XKR6: variants seen among roughly 807,000 people sequenced by gnomAD.
XKR6 encodes the protein XK related 6, also known as XK-related protein 6.
XKR6 carries 22 observed loss-of-function variants against 56.7 expected under a neutral mutation model. The ratio of observed to expected loss-of-function variants is 0.39; its 90% confidence interval spans 0.28 to 0.55. XKR6 has a LOEUF of 0.55. XKR6 is among the 20% of genes least tolerant of loss of function. The probability of loss-of-function intolerance (pLI) is 0.66; values close to 1 mark genes in which losing one functional copy is unlikely to be tolerated. For synonymous variants in XKR6, 524 were observed against 387.8 expected (o/e 1.35, Z -4.13); for missense variants, 852 against 889.0 (o/e 0.96, Z 0.53).
chr8:11,157,181 A>C (rs1013331781), intron 1 of XKR6, among the ~76,000 whole-genome samples: 1 of 152,210 alleles, frequency 6.6e-6, no homozygotes, highest in African/African-American at 2.4e-5. Flanking sequence ...GATGAAAAGC[A>C]AGGAAAGACC....
Position 11,135,035 on chromosome 8 carries a change from T to A in XKR6, c.764+65541A>T, listed in dbSNP as rs1167179112. On this transcript the variant is annotated intron_variant, in intron 1 of 2. Transcript: ENST00000416569. ...CAAAAATGCATAGAAAATGCACTAA[T>A]TTTTTTTTTTTTTTTGAGGCGGAGT... Among the ~76,000 whole-genome samples, 3 of 38,416 alleles carry A rather than the reference T, an allele frequency of 7.8e-5. No individual in the cohort carries two copies. The African/African-American group carries it at 8.0e-4, about 10-fold the overall frequency. 25.2% of individuals were successfully genotyped at this position (38,416 alleles called of 152,430 possible).
At chr8:11,129,028 G>C (rs755485802) in intron 1 of XKR6, 9 of 453,600 alleles carry the variant, frequency 2.0e-5, no homozygotes, top group Non-Finnish European at 3.5e-5. Context: ...CTTACACACA[G>C]TGAAATTAAG....
At chr8:11,173,218 C>CCCACG (rs1802467692) in intron 1 of XKR6, among the ~76,000 whole-genome samples, 1 of 151,210 alleles carries the variant, frequency 6.6e-6, no homozygotes, top group Non-Finnish European at 1.5e-5. Flanking sequence ...GTGGCGGGCG[C>CCCACG]CTGTATTCCC....
intron 2 of XKR6, among the ~76,000 whole-genome samples, chr8:10,923,929 T>C (rs1245493095): frequency 2.0e-5 from 3 of 152,314 alleles, no homozygotes; most frequent in Non-Finnish European, 4.4e-5. Context: ...AATACTCCAG[T>C]TGATGATAAA....
rs1011570581 is a variant in XKR6 at position 10,923,750 on chromosome 8, T to C, written c.961+884A>G. Among the ~76,000 whole-genome samples, 5 of 152,310 alleles carry C rather than the reference T, an allele frequency of 3.3e-5. No individual in the cohort carries two copies. The South Asian group carries it at 6.2e-4, about 19-fold the overall frequency. On this transcript the variant is annotated intron_variant, in intron 2 of 2. Coordinates refer to ENST00000416569, the MANE Select transcript of XKR6 (RefSeq NM_173683.4). ...GGGCACCAAGAGGACCTGCGGGGTC[T>C]GGAGGTGAGAATACAAGAGACCAGG...
intron 1 of XKR6, among the ~76,000 whole-genome samples, chr8:11,000,826 A>G (rs1033850623): frequency 2.6e-5 from 4 of 152,196 alleles, no homozygotes; most frequent in African/African-American, 9.7e-5. Flanking sequence ...GAATGGAAGT[A>G]AGATGCATAG....
intron 1 of XKR6, among the ~76,000 whole-genome samples, chr8:11,177,854 A>T (rs948816010): frequency 6.6e-6 from 1 of 152,186 alleles, no homozygotes; most frequent in African/African-American, 2.4e-5. Context: ...GTTTAACCCC[A>T]CCCAGTTCCT....
intron 1 of XKR6, among the ~76,000 whole-genome samples, chr8:11,093,433 A>T (rs1297442967): frequency 1.3e-5 from 2 of 152,208 alleles, no homozygotes; most frequent in African/African-American, 4.8e-5. Flanking sequence ...TGGCTATGCA[A>T]GAAAAACTTT....
chr8:11,019,406 C>T (rs914039140), intron 1 of XKR6, among the ~76,000 whole-genome samples: 4 of 152,214 alleles, frequency 2.6e-5, no homozygotes, highest in Non-Finnish European at 5.9e-5. Flanking sequence ...CTCTGGACTT[C>T]GGGACCACCC....
intron 1 of XKR6, among the ~76,000 whole-genome samples, chr8:10,971,137 C>A (rs1343995919): frequency 1.3e-5 from 2 of 151,348 alleles, no homozygotes; most frequent in African/African-American, 4.9e-5. Flanking sequence ...AAATTACAAG[C>A]AGCGCCGGGC....
At chr8:10,913,427 C>G (rs919420650) in intron 2 of XKR6, among the ~76,000 whole-genome samples, 1 of 152,070 alleles carries the variant, frequency 6.6e-6, no homozygotes, top group African/African-American at 2.4e-5. Flanking sequence ...GGTACTCAGC[C>G]GTGAGTGCCC....
At chr8:10,985,915 G>A (rs1388016346) in intron 1 of XKR6, among the ~76,000 whole-genome samples, 1 of 151,950 alleles carries the variant, frequency 6.6e-6, no homozygotes, top group Non-Finnish European at 1.5e-5. Context: ...CAGAACCAGT[G>A]GATTTTTAAC....
At chr8:10,959,738 A>T (rs1186748202) in intron 1 of XKR6, among the ~76,000 whole-genome samples, 1 of 152,192 alleles carries the variant, frequency 6.6e-6, no homozygotes, top group Non-Finnish European at 1.5e-5. Flanking sequence ...CAGGACACAA[A>T]CATTCTGTCC....
intron 1 of XKR6, among the ~76,000 whole-genome samples, chr8:11,145,458 T>C (rs758072066): frequency 1.6e-4 from 24 of 151,642 alleles, no homozygotes; most frequent in Non-Finnish European, 2.2e-4. Context: ...GATGACATGA[T>C]CATCTACACA....
In XKR6 at chr8:11,187,575, G is replaced by A. The variant is rs143848996; in HGVS notation, c.764+13001C>T. 1.1e-3 allele frequency among the ~76,000 whole-genome samples: 160 copies of A among 152,092 alleles called. 1 individual carries two copies. The highest frequency in any genetic ancestry group is 0.01 in the Middle Eastern group (3 of 294). ...ATGTTAACGTTTTGAAGCTATTGAGGGCCAAGATTTTTTCACAAATAATGA... is the reference window on the plus strand; with the variant it reads ...ATGTTAACGTTTTGAAGCTATTGAGAGCCAAGATTTTTTCACAAATAATGA... On this transcript the variant is annotated intron_variant, in intron 1 of 2. Transcript: ENST00000416569.
At chr8:11,176,568 C>T (rs1413232204) in intron 1 of XKR6, among the ~76,000 whole-genome samples, 1 of 152,002 alleles carries the variant, frequency 6.6e-6, no homozygotes, top group African/African-American at 2.4e-5. Context: ...AAATTCTTTT[C>T]CTAAATATTA....
chr8:10,960,824 G>A (rs767543328), intron 1 of XKR6, among the ~76,000 whole-genome samples: 3 of 152,222 alleles, frequency 2.0e-5, no homozygotes, highest in Non-Finnish European at 2.9e-5. Flanking sequence ...CTGTGAAGAG[G>A]CAGGAACAAT....
chr8:10,984,695 G>GCTCTCTCTCT lies in XKR6; in HGVS notation c.765-59875_765-59866dup, dbSNP rs61138077. 2.5e-3 allele frequency among the ~76,000 whole-genome samples: 142 copies of GCTCTCTCTCT among 56,284 alleles called. 6 individuals carry two copies. Among genetic ancestry groups the GCTCTCTCTCT allele is most frequent in the African/African-American group, 4.1e-3 (64 of 15,692 alleles). 36.9% of individuals were successfully genotyped at this position (56,284 alleles called of 152,430 possible). On this transcript the variant is annotated intron_variant, in intron 1 of 2. Transcript: ENST00000416569. Reference sequence around the variant, plus strand: ...AGTAACACAAAAGATAAAATACATGGCTCTCTCTCTCTCTCTCTCTCTCTC... The same window carrying GCTCTCTCTCT: ...AGTAACACAAAAGATAAAATACATGGCTCTCTCTCTCTCTCTCTCTCTCTCTCTCTCTCTC...
intron 1 of XKR6, among the ~76,000 whole-genome samples, chr8:11,046,513 A>G (rs1225892342): frequency 6.6e-6 from 1 of 152,252 alleles, no homozygotes; most frequent in Non-Finnish European, 1.5e-5. Context: ...CATTATTCAC[A>G]GTAGCCAAAA....
Sources: gnomAD v4.1 joint callset for allele counts (sites outside exome capture counted in the v4.1 genomes callset) on GRCh38, gnomAD v4.1.1 for gene constraint, MANE v1.5 for transcripts, NCBI Gene and HGNC (gene_info 2026-07-23, HGNC 2026-07-21) for gene names.